NUP35: variants seen among roughly 807,000 people sequenced by gnomAD.
The protein encoded by NUP35 is nucleoporin NUP35.
Under a neutral mutation model 41.5 loss-of-function variants are expected in NUP35, and 25 were observed. The observed-to-expected ratio is 0.60, with a 90% CI of 0.44 to 0.84. NUP35 has a LOEUF of 0.84. NUP35 is among the 40% of genes least tolerant of loss of function. The pLI is 0.00. For missense variants in NUP35, 396 were observed against 396.6 expected (o/e 1.00, Z 0.01); for synonymous variants, 149 against 130.7 (o/e 1.14, Z -0.96).
chr2:183,147,091 T>G (rs772979928), intron 4 of NUP35, among the ~76,000 whole-genome samples: 7 of 152,206 alleles, frequency 4.6e-5, no homozygotes, highest in Non-Finnish European at 1.0e-4. Flanking sequence ...TCTTGTTAAG[T>G]TCTTTACAGA....
In NUP35 at chr2:183,133,693, G is replaced by A. The variant is rs1036530796; in HGVS notation, c.397+70G>A. The A allele has an allele frequency of 3.8e-6, 4 of 1,050,514 alleles. No individual in the cohort carries two copies. The African/African-American group carries it at 6.8e-5, about 18-fold the overall frequency. The allele number at this position is 1,050,514 out of a possible 1,614,324, so 65.1% of individuals were successfully genotyped here. On this transcript the variant is annotated intron_variant, in intron 4 of 8. Coordinates refer to ENST00000295119, the MANE Select transcript of NUP35 (RefSeq NM_138285.5). Reference sequence around the variant, plus strand: ...CTGGCTCTGCTACCCACGCTGGAGTGCAGTGGTGTGATCACGGAGTAAACA... The same window carrying A: ...CTGGCTCTGCTACCCACGCTGGAGTACAGTGGTGTGATCACGGAGTAAACA...
At chr2:183,129,593 C>A (rs1309086259) in intron 2 of NUP35, among the ~76,000 whole-genome samples, 1 of 152,094 alleles carries the variant, frequency 6.6e-6, no homozygotes, top group Non-Finnish European at 1.5e-5. Context: ...TGCTTATGAG[C>A]CTGGCAGTAT....
At chr2:183,120,717 T>A (rs1700055891), upstream of NUP35, among the ~76,000 whole-genome samples, 1 of 152,182 alleles carries the variant, frequency 6.6e-6, no homozygotes, top group Non-Finnish European at 1.5e-5. Context: ...CCAAGTTATA[T>A]AGGTTTTAGT....
At chr2:183,138,350 T>A (rs1480593334) in intron 4 of NUP35, among the ~76,000 whole-genome samples, 1 of 149,904 alleles carries the variant, frequency 6.7e-6, no homozygotes, top group African/African-American at 2.4e-5. Context: ...TTTCTGAGAT[T>A]GGCAAGTTTT....
At chr2:183,123,733 T>C (rs1700101142), upstream of NUP35, 1 of 936,282 alleles carries the variant, frequency 1.1e-6, no homozygotes, top group East Asian at 1.2e-4. Flanking sequence ...CGTATGACTA[T>C]GCCCTAAAGA....
chr2:183,141,360 C>T (rs1310192494), intron 4 of NUP35, among the ~76,000 whole-genome samples: 1 of 152,162 alleles, frequency 6.6e-6, no homozygotes, highest in Non-Finnish European at 1.5e-5. Flanking sequence ...ATAGCATTTG[C>T]AGATTTCAGG....
At chr2:183,147,637 TGCTTAGGATTG>T (rs1685326742) in intron 4 of NUP35, among the ~76,000 whole-genome samples, 1 of 152,214 alleles carries the variant, frequency 6.6e-6, no homozygotes, top group Non-Finnish European at 1.5e-5. Context: ...TTGTTCTTTT[TGCTTAGGATTG>T]CTTTGGCTAT....
At chr2:183,129,914 G>A (rs929062776) in intron 2 of NUP35, among the ~76,000 whole-genome samples, 2 of 151,352 alleles carry the variant, frequency 1.3e-5, no homozygotes, top group African/African-American at 4.9e-5. Flanking sequence ...TCTTTATTAT[G>A]TACTTAAATA....
chr2:183,145,873 G>T (rs181679805), intron 4 of NUP35, among the ~76,000 whole-genome samples: 2 of 152,260 alleles, frequency 1.3e-5, no homozygotes, highest in East Asian at 3.9e-4. Context: ...GATCAAAAGA[G>T]TTATCAAGTA....
Position 183,130,407 on chromosome 2 carries a change from G to C in NUP35, c.212-11G>C. ...AATCCCTTTTTTTTTTTTTTTTTTT[G>C]TACACTGTAGGTGGGTCACCACCAC... On this transcript the variant is annotated splice_polypyrimidine_tract_variant and intron_variant, in intron 2 of 8. Transcript: ENST00000295119. 2 of 449,372 alleles carry C rather than the reference G, an allele frequency of 4.5e-6. No individual in the cohort carries two copies. The highest frequency in any genetic ancestry group is 5.7e-6 in the Non-Finnish European group (2 of 349,330). 27.8% of individuals were successfully genotyped at this position (449,372 alleles called of 1,614,324 possible). A position where few individuals can be genotyped will look rare whatever the true frequency, so the allele number is the denominator to read the frequency against.
intron 4 of NUP35, among the ~76,000 whole-genome samples, chr2:183,142,762 G>A (rs1267611860): frequency 1.3e-5 from 2 of 152,048 alleles, no homozygotes; most frequent in East Asian, 3.9e-4. Context: ...CTACAGGTGT[G>A]AGCCACCATG....
chr2:183,158,390 T>A lies in NUP35; in HGVS notation c.717T>A (p.Gly239=). 6.2e-7 allele frequency: 1 copy of A among 1,603,472 alleles called. No homozygotes were observed. The highest frequency in any genetic ancestry group is 2.2e-5 in the East Asian group (1 of 44,636). Reference sequence around the variant, plus strand: ...TTTTTGGAGAATCCATCATGATTGGTGTAAAACCATGTATTGACAAAGTAA... The same window carrying A: ...TTTTTGGAGAATCCATCATGATTGGAGTAAAACCATGTATTGACAAAGTAA... ...GRIFGESIMI[G]VKPCIDKSVM... is the part of the protein sequence containing the mutation. Residue 239 remains glycine (G), a synonymous_variant, in exon 7 of 9, where the codon GGT becomes GGA. Coordinates refer to ENST00000295119, the MANE Select transcript of NUP35 (RefSeq NM_138285.5).
intron 8 of NUP35, chr2:183,159,974 T>C (rs6434006): frequency 0.83 from 165,421 of 198,616 alleles, 69,800 homozygotes; most frequent in East Asian, 0.99. Context: ...CATTAAAACT[T>C]TATTAAATTG....
chr2:183,156,600 C>T (rs530366026), intron 5 of NUP35, among the ~76,000 whole-genome samples: 9 of 152,274 alleles, frequency 5.9e-5, no homozygotes, highest in Admixed American at 4.6e-4. Context: ...CTCGGCCTCC[C>T]AAAGTGCTGG....
At chr2:183,125,349 C>G (rs1284566101) in intron 1 of NUP35, among the ~76,000 whole-genome samples, 1 of 151,848 alleles carries the variant, frequency 6.6e-6, no homozygotes, top group Non-Finnish European at 1.5e-5. Context: ...AACCGTCTTA[C>G]TGTCATAGAG....
chr2:183,152,659 C>A (rs2105605881), intron 5 of NUP35, among the ~76,000 whole-genome samples: 1 of 152,214 alleles, frequency 6.6e-6, no homozygotes, highest in Admixed American at 6.5e-5. Context: ...GCTGAGTATT[C>A]CATTTTGTAT....
chr2:183,149,134 C>A (rs890571594), intron 4 of NUP35, among the ~76,000 whole-genome samples: 1 of 152,086 alleles, frequency 6.6e-6, no homozygotes, highest in African/African-American at 2.4e-5. Context: ...TGTTAAGTAG[C>A]CTCTAGAAAA....
intron 4 of NUP35, among the ~76,000 whole-genome samples, chr2:183,142,441 T>C (rs1332137887): frequency 6.6e-6 from 1 of 151,670 alleles, no homozygotes; most frequent in African/African-American, 2.4e-5. Flanking sequence ...TTTTCTCAAA[T>C]TTTGTGTGTT....
chr2:183,133,144 T>A (rs964103458), intron 3 of NUP35, among the ~76,000 whole-genome samples: 1 of 152,192 alleles, frequency 6.6e-6, no homozygotes, highest in Admixed American at 6.5e-5. Context: ...TTAGACTGAT[T>A]TGAATCTATA....
Sources: allele counts gnomAD v4.1 joint callset (sites outside exome capture counted in the v4.1 genomes callset), GRCh38; gene constraint gnomAD v4.1.1; transcripts MANE v1.5; gene names NCBI Gene and HGNC (gene_info 2026-07-23, HGNC 2026-07-21).